SLC30A8: variants seen among roughly 807,000 people sequenced by gnomAD.
SLC30A8 encodes the protein solute carrier family 30 member 8.
Under a neutral mutation model 36.9 loss-of-function variants are expected in SLC30A8, and 27 were observed. The ratio of observed to expected loss-of-function variants is 0.73; its 90% CI spans 0.54 to 1.01. SLC30A8 has a LOEUF of 1.01. SLC30A8 is among the 50% of genes least tolerant of loss of function. The probability of loss-of-function intolerance (pLI) is 0.00; values close to 1 mark genes in which losing one functional copy is unlikely to be tolerated. For synonymous variants in SLC30A8, 164 were observed against 172.4 expected (o/e 0.95, Z 0.38); for missense variants, 439 against 452.0 (o/e 0.97, Z 0.26).
intron 2 of SLC30A8, among the ~76,000 whole-genome samples, chr8:117,120,608 A>G (rs1182310450): frequency 6.6e-6 from 1 of 151,904 alleles, no homozygotes; most frequent in African/African-American, 2.4e-5. Context: ...GACTAGTGGG[A>G]CTACATCAAA....
At chr8:116,983,109 G>T (rs1368608506) in intron 1 of SLC30A8, among the ~76,000 whole-genome samples, 1 of 151,966 alleles carries the variant, frequency 6.6e-6, no homozygotes, top group Non-Finnish European at 1.5e-5. Flanking sequence ...GAAATTATTG[G>T]TAAGTTAGTG....
intron 2 of SLC30A8, among the ~76,000 whole-genome samples, chr8:117,147,389 T>C (rs1462196000): frequency 6.6e-6 from 1 of 152,210 alleles, no homozygotes; most frequent in Non-Finnish European, 1.5e-5. Context: ...ACAATGCATT[T>C]TGTATTCATA....
intron 1 of SLC30A8, among the ~76,000 whole-genome samples, chr8:116,987,300 G>A: frequency 7.2e-6 from 1 of 138,354 alleles, no homozygotes; most frequent in Non-Finnish European, 1.6e-5. Context: ...GGTGGGGTGG[G>A]GTGGGGGGAG....
At chr8:117,032,044 G>T (rs115300187) in intron 1 of SLC30A8, among the ~76,000 whole-genome samples, 1 of 152,102 alleles carries the variant, frequency 6.6e-6, no homozygotes, top group East Asian at 1.9e-4. Flanking sequence ...TTTATCTTGC[G>T]GTTGTATGCT....
chr8:117,161,646 G>T, intron 4 of SLC30A8, 92 bp from the exon 5 acceptor site: 8 of 1,218,544 alleles, frequency 6.6e-6, no homozygotes, highest in South Asian at 1.6e-5. Flanking sequence ...CATCATTTTG[G>T]ATAATGCATG....
intron 1 of SLC30A8, among the ~76,000 whole-genome samples, chr8:117,143,665 AACAC>A (rs58613241): frequency 0.018 from 2,588 of 146,254 alleles, 69 homozygotes; most frequent in African/African-American, 0.059. Context: ...TCTCCCATAA[AACAC>A]ACACACACAC....
intron 2 of SLC30A8, among the ~76,000 whole-genome samples, chr8:117,105,212 T>C (rs67925810): frequency 0.1 from 15,687 of 152,160 alleles, 979 homozygotes; most frequent in East Asian, 0.15. Flanking sequence ...CTGTTAAAGA[T>C]GGAGTTGCTC....
chr8:116,968,859 C>T (rs1389000334), intron 1 of SLC30A8, among the ~76,000 whole-genome samples: 1 of 152,076 alleles, frequency 6.6e-6, no homozygotes, highest in Non-Finnish European at 1.5e-5. Context: ...GCCTCAGCCT[C>T]CTAAGTAGCT....
intron 2 of SLC30A8, among the ~76,000 whole-genome samples, chr8:117,050,595 G>A (rs1817677482): frequency 6.6e-6 from 1 of 151,876 alleles, no homozygotes. Flanking sequence ...TAGTAGAGAC[G>A]GGTTTCACCA....
At chr8:116,959,085 G>A (rs527798863) in intron 1 of SLC30A8, among the ~76,000 whole-genome samples, 31 of 151,892 alleles carry the variant, frequency 2.0e-4, no homozygotes, top group Middle Eastern at 3.4e-3. Context: ...TCCTGACCTC[G>A]TGATCTGCCC....
At chr8:117,067,765 T>C (rs949353816) in intron 2 of SLC30A8, among the ~76,000 whole-genome samples, 1 of 152,224 alleles carries the variant, frequency 6.6e-6, no homozygotes, top group African/African-American at 2.4e-5. Flanking sequence ...AACTATCTCC[T>C]GTTCCTCCTT....
At chr8:117,094,067 G>C (rs1287925528) in intron 2 of SLC30A8, among the ~76,000 whole-genome samples, 1 of 152,376 alleles carries the variant, frequency 6.6e-6, no homozygotes, top group East Asian at 1.9e-4. Flanking sequence ...GATATGCCAA[G>C]AACTGCAGAG....
intron 2 of SLC30A8, among the ~76,000 whole-genome samples, chr8:117,040,454 C>A (rs907485616): frequency 6.6e-6 from 1 of 152,188 alleles, no homozygotes; most frequent in Non-Finnish European, 1.5e-5. Context: ...AGCCAAGATG[C>A]ACTTTTTAAT....
intron 1 of SLC30A8, among the ~76,000 whole-genome samples, chr8:117,025,629 C>T (rs1816850085): frequency 6.6e-6 from 1 of 152,176 alleles, no homozygotes; most frequent in African/African-American, 2.4e-5. Flanking sequence ...TTCATATTCT[C>T]TTTTTCCATG....
intron 2 of SLC30A8, among the ~76,000 whole-genome samples, chr8:117,096,883 A>C (rs1819387162): frequency 6.6e-6 from 1 of 151,982 alleles, no homozygotes; most frequent in Non-Finnish European, 1.5e-5. Flanking sequence ...CTCACACACA[A>C]AATCATGGAG....
At chr8:117,076,313 G>A (rs1388565641) in intron 2 of SLC30A8, among the ~76,000 whole-genome samples, 2 of 152,136 alleles carry the variant, frequency 1.3e-5, no homozygotes, top group African/African-American at 2.4e-5. Context: ...CTATTTTTCT[G>A]TATTTACTGA....
chr8:117,030,776 G>A (rs921185369), intron 1 of SLC30A8, among the ~76,000 whole-genome samples: 4 of 152,100 alleles, frequency 2.6e-5, no homozygotes, highest in African/African-American at 9.7e-5. Context: ...TAATATACTC[G>A]AATGATGTTA....
chr8:117,161,915 A>G (rs372011516), intron 5 of SLC30A8, 27 bp downstream of exon 5: 130 of 1,599,464 alleles, frequency 8.1e-5, no homozygotes, highest in Middle Eastern at 5.0e-4. Flanking sequence ...CCACCATCCT[A>G]GTACTTATGT....
At chr8:116,997,170 C>A (rs773896415) in intron 1 of SLC30A8, among the ~76,000 whole-genome samples, 2 of 152,100 alleles carry the variant, frequency 1.3e-5, no homozygotes, top group Non-Finnish European at 2.9e-5. Flanking sequence ...AGCACACGAT[C>A]CCATGCTTAC....
Sources: allele counts gnomAD v4.1 joint callset (sites outside exome capture counted in the v4.1 genomes callset), GRCh38; gene constraint gnomAD v4.1.1; transcripts MANE v1.5; gene names NCBI Gene and HGNC (gene_info 2026-07-23, HGNC 2026-07-21).